The following ST6GAL2 variants were observed in gnomAD, a reference collection of about 807,000 sequenced individuals.
The protein encoded by ST6GAL2 is ST6 beta-galactoside alpha-2,6-sialyltransferase 2, also known as beta-galactoside alpha-2,6-sialyltransferase 2.
Under a neutral mutation model 37.5 loss-of-function variants are expected in ST6GAL2, and 24 were observed. That is an observed-to-expected ratio of 0.64 (90% CI 0.46 to 0.90). The LOEUF is 0.90. Ranked by LOEUF, ST6GAL2 falls within the 40% of genes least tolerant of loss-of-function variation. The pLI, the probability that ST6GAL2 is intolerant of heterozygous loss-of-function variation, is 0.00. For missense variants in ST6GAL2, 715 were observed against 712.7 expected (o/e 1.00, Z -0.04); for synonymous variants, 306 against 295.1 (o/e 1.04, Z -0.38).
At chr2:106,878,934 T>G (rs962156666) in intron 1 of ST6GAL2, among the ~76,000 whole-genome samples, 1 of 152,138 alleles carries the variant, frequency 6.6e-6, no homozygotes, top group African/African-American at 2.4e-5. Context: ...TAAAATGAGT[T>G]TGTTTAGTTT....
chr2:106,812,979 T>A (rs538451587), intron 5 of ST6GAL2: 1 of 1,129,612 alleles, frequency 8.9e-7, no homozygotes. Flanking sequence ...GCTTTCAACA[T>A]GAGGCTGGAC....
chr2:106,844,060 G>T, intron 1 of ST6GAL2, 26 bp from the exon 2 acceptor site: 1 of 1,124,978 alleles, frequency 8.9e-7, no homozygotes. Flanking sequence ...ATGGCAGTTA[G>T]CCAACATGGG....
intron 5 of ST6GAL2, among the ~76,000 whole-genome samples, chr2:106,821,731 T>A (rs1403970285): frequency 1.3e-5 from 2 of 151,990 alleles, no homozygotes; most frequent in Non-Finnish European, 2.9e-5. Context: ...TGGGCCAATA[T>A]CTTTGATGAA....
chr2:106,806,127 G>A lies in ST6GAL2; in HGVS notation c.*551C>T, dbSNP rs964672978. On this transcript the variant is annotated 3_prime_UTR_variant, in exon 6 of 6. Transcript: ENST00000409382. ...GGGAGGCAGAGATGAAGAATGCAAC[G>A]GTTGGAAATAAAAGCCTTTGCCAGG... 4 of 152,874 alleles carry A rather than the reference G, an allele frequency of 2.6e-5. No homozygotes were observed. The highest frequency in any genetic ancestry group is 6.5e-5 in the Admixed American group (1 of 15,356). The allele number at this position is 152,874 out of a possible 1,614,324, so 9.5% of individuals were successfully genotyped here. A position where few individuals can be genotyped will look rare whatever the true frequency, so the allele number is the denominator to read the frequency against.
upstream of ST6GAL2, among the ~76,000 whole-genome samples, chr2:106,887,266 A>T (rs552923305): frequency 5.3e-5 from 8 of 152,162 alleles, no homozygotes; most frequent in Admixed American, 3.3e-4. Flanking sequence ...TCGCTCAACC[A>T]GGCTCCGCAC....
At chr2:106,879,210 A>G (rs923012847) in intron 1 of ST6GAL2, among the ~76,000 whole-genome samples, 4 of 152,214 alleles carry the variant, frequency 2.6e-5, no homozygotes, top group Non-Finnish European at 5.9e-5. Flanking sequence ...TCTTCTGTGT[A>G]TGTATCCAAT....
At chr2:106,878,085 T>C (rs148987351) in intron 1 of ST6GAL2, among the ~76,000 whole-genome samples, 1 of 152,338 alleles carries the variant, frequency 6.6e-6, no homozygotes, top group East Asian at 1.9e-4. Flanking sequence ...CATCCGCAGG[T>C]TCCACATCCA....
chr2:106,818,241 G>A (rs2104434219), intron 5 of ST6GAL2, among the ~76,000 whole-genome samples: 1 of 152,314 alleles, frequency 6.6e-6, no homozygotes, highest in Non-Finnish European at 1.5e-5. Context: ...TAGCCAGGCA[G>A]TGGTTACCAT....
chr2:106,877,563 C>A (rs564309009), intron 1 of ST6GAL2, among the ~76,000 whole-genome samples: 2 of 152,170 alleles, frequency 1.3e-5, no homozygotes, highest in Non-Finnish European at 2.9e-5. Context: ...TCTCCCCCAC[C>A]TTAGAGACTG....
At chr2:106,808,064 GCA>G (rs1675484640) in intron 5 of ST6GAL2, among the ~76,000 whole-genome samples, 1 of 152,182 alleles carries the variant, frequency 6.6e-6, no homozygotes, top group South Asian at 2.1e-4. Flanking sequence ...ACATAAAGCA[GCA>G]CAGTTATTCT....
chr2:106,886,297 G>A (rs909844840), upstream of ST6GAL2: 1 of 152,210 alleles, frequency 6.6e-6, no homozygotes, highest in Non-Finnish European at 1.5e-5. Flanking sequence ...CTCACGCCGC[G>A]GAACTTGGGG....
chr2:106,850,920 C>G (rs4629152), intron 1 of ST6GAL2, among the ~76,000 whole-genome samples: 2,112 of 152,238 alleles, frequency 0.014, 53 homozygotes, highest in African/African-American at 0.047. Context: ...AGAGGCCCAC[C>G]AGGCAAATCA....
chr2:106,883,299 A>G (rs1678827385), intron 1 of ST6GAL2, among the ~76,000 whole-genome samples: 1 of 152,188 alleles, frequency 6.6e-6, no homozygotes, highest in Non-Finnish European at 1.5e-5. Flanking sequence ...ATATCTTCGC[A>G]TTGTGTACTT....
At chr2:106,831,154 T>C (rs1291847656) in intron 4 of ST6GAL2, among the ~76,000 whole-genome samples, 2 of 152,176 alleles carry the variant, frequency 1.3e-5, no homozygotes, top group African/African-American at 2.4e-5. Context: ...TTAAAAGCTT[T>C]GAGAATGACT....
At chr2:106,844,260 T>A (rs1487566099) in intron 1 of ST6GAL2, among the ~76,000 whole-genome samples, 1 of 141,072 alleles carries the variant, frequency 7.1e-6, no homozygotes, top group Non-Finnish European at 1.6e-5. Flanking sequence ...GATCTCACCA[T>A]CTCAGGTGAG....
In ST6GAL2 at chr2:106,843,599, C is replaced by T. The variant is rs1399789087; in HGVS notation, c.379G>A (p.Glu127Lys). Residue 127 changes from glutamate to lysine, a missense_variant, in exon 2 of 6, where the codon GAG becomes AAG. This residue lies in a region of ST6GAL2 where 512 missense variants were observed against 488.8 expected (regional missense o/e 1.05). Transcript: ENST00000409382. ...GRKSQSAFYP[E>K]DDDYFFAAGQ... ...GCAGCAAAAAAGTAGTCGTCATCCT[C>T]CGGGTAGAAAGCACTTTGAGATTTT... 3.1e-6 allele frequency: 5 copies of T among 1,613,892 alleles called. No individual in the cohort carries two copies. In the African/African-American group the frequency reaches 5.3e-5, roughly 17 times the overall value.
chr2:106,832,640 G>A lies in ST6GAL2; in HGVS notation c.1068C>T (p.Phe356=), dbSNP rs867831135. ...SQILTNPSHH[F]IDSSLYKDVI... is the part of the protein sequence containing the mutation. ...CGTCTTTATACAGTGAACTGTCAAT[G>A]AAGTGATGGCTGGGGTTGGTCAGAA... The change falls in exon 4 of 6, where the codon TTC becomes TTT. Residue 356 remains phenylalanine, a synonymous_variant. Coordinates refer to ENST00000409382, the MANE Select transcript of ST6GAL2 (RefSeq NM_001142351.2). The A allele has an allele frequency of 6.2e-7, 1 of 1,612,402 alleles. No homozygotes were observed. The highest frequency in any genetic ancestry group is 8.5e-7 in the Non-Finnish European group (1 of 1,178,512).
At chr2:106,871,179 A>G (rs924474671) in intron 1 of ST6GAL2, among the ~76,000 whole-genome samples, 1 of 152,236 alleles carries the variant, frequency 6.6e-6, no homozygotes, top group Non-Finnish European at 1.5e-5. Flanking sequence ...GTCTAAACAT[A>G]TCTAAACATA....
chr2:106,826,048 T>C (rs1452798266), intron 5 of ST6GAL2, among the ~76,000 whole-genome samples: 1 of 152,180 alleles, frequency 6.6e-6, no homozygotes, highest in Non-Finnish European at 1.5e-5. Flanking sequence ...GTCTTTCGTG[T>C]TCAAAAGAGT....
Sources: allele counts gnomAD v4.1 joint callset (sites outside exome capture counted in the v4.1 genomes callset), GRCh38; gene constraint gnomAD v4.1.1; regional missense constraint gnomAD v4.1.1; transcripts MANE v1.5; gene names NCBI Gene and HGNC (gene_info 2026-07-23, HGNC 2026-07-21).